ST3GAL1: variants seen among roughly 807,000 people sequenced by gnomAD.
ST3GAL1 encodes CMP-N-acetylneuraminate-beta-galactosamide-alpha-2,3-sialyltransferase 1.
Under a neutral mutation model 34.1 loss-of-function variants are expected in ST3GAL1, and 16 were observed. The observed-to-expected ratio is 0.47, with a 90% CI of 0.32 to 0.71. The LOEUF is 0.71. Among genes scored for constraint, ST3GAL1 ranks in the 30% least tolerant of loss-of-function variants. ST3GAL1 has a pLI of 0.04. For missense variants in ST3GAL1, 353 were observed against 447.4 expected (o/e 0.79, Z 1.90); for synonymous variants, 191 against 184.7 (o/e 1.03, Z -0.28).
At chr8:133,493,879 C>T (rs923406371) in intron 3 of ST3GAL1, among the ~76,000 whole-genome samples, 12 of 151,380 alleles carry the variant, frequency 7.9e-5, no homozygotes, top group African/African-American at 2.9e-4. Flanking sequence ...AGAGAGGCCA[C>T]CCTAGCTATT....
chr8:133,529,362 C>T lies in ST3GAL1; in HGVS notation c.-429+16412G>A, dbSNP rs899415302. Reference sequence around the variant, plus strand: ...AGATGGGCCTTGGGAGCTTATAGGTCGAAGGTGCTGCTACCGAGCAAATGT... The same window carrying T: ...AGATGGGCCTTGGGAGCTTATAGGTTGAAGGTGCTGCTACCGAGCAAATGT... On this transcript the variant is annotated intron_variant, in intron 2 of 9. Transcript: ENST00000522652. Among the ~76,000 whole-genome samples, 5 of 152,142 alleles carry T rather than the reference C, an allele frequency of 3.3e-5. No homozygotes were observed. In the South Asian group the frequency reaches 6.2e-4, roughly 19 times the overall value.
intron 3 of ST3GAL1, among the ~76,000 whole-genome samples, chr8:133,481,345 C>T (rs1273770435): frequency 2.6e-5 from 4 of 152,250 alleles, no homozygotes; most frequent in Non-Finnish European, 4.4e-5. Flanking sequence ...CCGTTCTCAA[C>T]AGGTAAACCA....
rs34563134 is a variant in ST3GAL1 at position 133,456,020 on chromosome 8, CT to C, written c.*3743del. On this transcript the variant is annotated 3_prime_UTR_variant, in exon 10 of 10. Transcript: ENST00000522652. ...AGATCTTAACTGCCCTCTCCACCTT[CT>C]TTTTTTTTTTCCCTCCTATTTTACA... 68,243 of 149,668 alleles carry C rather than the reference CT, an allele frequency of 0.46. 15,910 individuals are homozygous for C. Among genetic ancestry groups the C allele is most frequent in the African/African-American group, 0.56 (22,902 of 40,894 alleles). 9.3% of individuals were successfully genotyped at this position (149,668 alleles called of 1,614,324 possible). A position where few individuals can be genotyped will look rare whatever the true frequency, so the allele number is the denominator to read the frequency against.
chr8:133,493,908 G>T (rs1432678002), intron 3 of ST3GAL1, among the ~76,000 whole-genome samples: 11 of 151,418 alleles, frequency 7.3e-5, no homozygotes, highest in Admixed American at 5.9e-4. Flanking sequence ...CCTCTCTGGG[G>T]TTCTGACTCT....
intron 1 of ST3GAL1, among the ~76,000 whole-genome samples, chr8:133,562,339 A>G (rs1819250889): frequency 6.6e-6 from 1 of 151,740 alleles, no homozygotes; most frequent in African/African-American, 2.4e-5. Flanking sequence ...CCTCCCGAGT[A>G]GCTGGGACTA....
In ST3GAL1 at chr8:133,564,519, T is replaced by TACACACACACACACACAC. The variant is rs60855292; in HGVS notation, c.-582+7156_-582+7173dup. On this transcript the variant is annotated intron_variant, in intron 1 of 9. Transcript: ENST00000522652. The stretch of plus-strand genomic sequence containing the variant: ...ACTTTCATGTGTTTTAAAGAGAAAA[T>TACACACACACACACACAC]ACACACACACACACACACACACACA... Among the ~76,000 whole-genome samples, 1,103 of 145,902 alleles carry TACACACACACACACACAC rather than the reference T, an allele frequency of 7.6e-3. 13 individuals carry two copies. The highest frequency in any genetic ancestry group is 0.022 in the African/African-American group (847 of 39,134).
chr8:133,504,177 A>G (rs1435039428), intron 2 of ST3GAL1, among the ~76,000 whole-genome samples: 1 of 152,132 alleles, frequency 6.6e-6, no homozygotes, highest in Non-Finnish European at 1.5e-5. Flanking sequence ...CATAGATGAG[A>G]AACTAAGGCC....
chr8:133,468,366 T>C (rs143430352), intron 5 of ST3GAL1, among the ~76,000 whole-genome samples: 240 of 152,186 alleles, frequency 1.6e-3, no homozygotes, highest in Admixed American at 4.0e-3. Context: ...AAGCCAGACA[T>C]AGAAGGAAAA....
rs1202858533 is a variant in ST3GAL1, at chr8:133,541,108, T to G, written c.-429+4666A>C. Among the ~76,000 whole-genome samples the G allele has an allele frequency of 5.7e-4, 26 of 45,704 alleles. 2 individuals carry two copies. The highest frequency in any genetic ancestry group is 4.9e-3 in the South Asian group (5 of 1,024). 30.0% of individuals were successfully genotyped at this position (45,704 alleles called of 152,430 possible). On this transcript the variant is annotated intron_variant, in intron 2 of 9. Coordinates refer to ENST00000522652, the MANE Select transcript of ST3GAL1 (RefSeq NM_173344.3). ...ATATATATATAAACATATATATATA[T>G]ATATATATATATAGAGAGAGAGAGA...
At chr8:133,474,594 A>C (rs1437546738) in intron 5 of ST3GAL1, among the ~76,000 whole-genome samples, 1 of 152,030 alleles carries the variant, frequency 6.6e-6, no homozygotes, top group African/African-American at 2.4e-5. Flanking sequence ...GCCTCGTCTC[A>C]CTGCACCTCC....
intron 3 of ST3GAL1, among the ~76,000 whole-genome samples, chr8:133,485,673 G>GA (rs1164253791): frequency 1.3e-5 from 2 of 152,168 alleles, no homozygotes; most frequent in Non-Finnish European, 2.9e-5. Flanking sequence ...TGACTCCTTA[G>GA]AAAAAACCTG....
chr8:133,489,508 C>T (rs915989145), intron 3 of ST3GAL1: 2 of 152,540 alleles, frequency 1.3e-5, no homozygotes, highest in African/African-American at 2.4e-5. Flanking sequence ...TCTGCCCAAA[C>T]TCTGCTCCAA....
rs568702435 is a variant in ST3GAL1, at chr8:133,558,992, G to GTT, written c.-582+12700_-582+12701insAA. 3.0e-3 allele frequency among the ~76,000 whole-genome samples: 461 copies of GTT among 152,010 alleles called. 4 individuals carry two copies. The highest frequency in any genetic ancestry group is 0.011 in the African/African-American group (435 of 41,416). On this transcript the variant is annotated intron_variant, in intron 1 of 9. Coordinates refer to ENST00000522652, the MANE Select transcript of ST3GAL1 (RefSeq NM_173344.3). ...CCCCAAAAAGCTGTGCATATCAGGT[G>GTT]AACTGCTGTGTTTATGTGGTCCCAG...
At position 133,508,613 on chromosome 8, in the gene ST3GAL1, C is replaced by T. The variant is rs1293840540; in HGVS notation, c.-428-9424G>A. On this transcript the variant is annotated intron_variant, in intron 2 of 9. Transcript: ENST00000522652. The surrounding 1 kb of genome is among the most constrained non-coding windows in gnomAD (Gnocchi z 4.1). The stretch of plus-strand genomic sequence containing the variant: ...CAATCTCAGAAGCAGGGCACTCGCT[C>T]AAATTCAGAGACCTTTCTCAAGAGC... Among the ~76,000 whole-genome samples, 1 of 152,072 alleles carries T rather than the reference C, an allele frequency of 6.6e-6. No individual in the cohort carries two copies. Among genetic ancestry groups the T allele is most frequent in the Non-Finnish European group, 1.5e-5 (1 of 68,010 alleles).
At chr8:133,533,930 A>C (rs1818229148) in intron 2 of ST3GAL1, among the ~76,000 whole-genome samples, 1 of 152,226 alleles carries the variant, frequency 6.6e-6, no homozygotes, top group Non-Finnish European at 1.5e-5. Flanking sequence ...TGAGTACTTA[A>C]GTATGGCACT....
In ST3GAL1 at chr8:133,459,850, T is replaced by A. The variant is rs1397296033; in HGVS notation, c.937A>T (p.Thr313Ser). ...TCAAAGTCTGCATCGTGCACCCCCG[T>A]CTTGCGAAAAGCCCCCGCGGATGGG... ...NNPSAGAFRK[T>S]GVHDADFESN... Residue 313 changes from threonine to serine, a missense_variant, in exon 10 of 10, where the codon ACG becomes TCG. By Grantham distance (58) the Thr-to-Ser change is moderately conservative. Transcript: ENST00000522652. The surrounding 1 kb of genome is among the most constrained non-coding windows in gnomAD (Gnocchi z 4.7). 2 of 1,614,000 alleles carry A rather than the reference T, an allele frequency of 1.2e-6. No homozygotes were observed. The highest frequency in any genetic ancestry group is 2.7e-5 in the African/African-American group (2 of 74,932).
chr8:133,541,120 T>TAGAGAGAGAGAGAGAGAG (rs1554618899), intron 2 of ST3GAL1, among the ~76,000 whole-genome samples: 529 of 48,564 alleles, frequency 0.011, 34 homozygotes, highest in Non-Finnish European at 0.014. Context: ...TATATATATA[T>TAGAGAGAGAGAGAGAGAG]AGAGAGAGAG....
intron 2 of ST3GAL1, among the ~76,000 whole-genome samples, chr8:133,513,203 G>C (rs1817546782): frequency 6.6e-6 from 1 of 152,134 alleles, no homozygotes; most frequent in Admixed American, 6.5e-5. Flanking sequence ...CCCTGCTGAA[G>C]AGCTCCCCCA....
At chr8:133,538,021 G>C (rs528157708) in intron 2 of ST3GAL1, among the ~76,000 whole-genome samples, 2 of 152,248 alleles carry the variant, frequency 1.3e-5, no homozygotes, top group East Asian at 3.9e-4. Context: ...AGACAATAGG[G>C]GCAGGGAGGG....
Sources: allele counts gnomAD v4.1 joint callset (sites outside exome capture counted in the v4.1 genomes callset), GRCh38; gene constraint gnomAD v4.1.1; non-coding constraint Gnocchi (gnomAD v3.1); transcripts MANE v1.5; gene names NCBI Gene and HGNC (gene_info 2026-07-23, HGNC 2026-07-21).